DNAAF11: variants seen among roughly 807,000 people sequenced by gnomAD.
The protein encoded by DNAAF11 is leucine rich repeat containing 6.
DNAAF11 carries 45 observed loss-of-function variants against 60.8 expected under a neutral mutation model. That is an observed-to-expected ratio of 0.74 (90% CI 0.58 to 0.95). The LOEUF (loss-of-function observed/expected upper bound fraction) is 0.95. DNAAF11 is among the 40% of genes least tolerant of loss of function. The probability of loss-of-function intolerance (pLI) is 0.00; values close to 1 mark genes in which losing one functional copy is unlikely to be tolerated. For missense variants in DNAAF11, 546 were observed against 546.2 expected, an observed-to-expected ratio of 1.00 and a Z score of 0.00; for synonymous variants, 191 against 183.5, an observed-to-expected ratio of 1.04 and a Z score of -0.33.
chr8:132,652,632 T>C (rs975589357), intron 3 of DNAAF11, among the ~76,000 whole-genome samples: 2 of 152,182 alleles, frequency 1.3e-5, no homozygotes, highest in Admixed American at 6.5e-5. Context: ...TGAGTTCATG[T>C]CCTTTGCAGG....
At chr8:132,661,681 A>G in intron 1 of DNAAF11, 54 bp from the exon 2 acceptor site, 1 of 1,548,618 alleles carries the variant, frequency 6.5e-7, no homozygotes, top group South Asian at 1.1e-5. Flanking sequence ...TCAATATAAG[A>G]TTATTGTGTT....
chr8:132,690,929 C>T, the DNAAF11 span, among the ~76,000 whole-genome samples: 17 of 152,288 alleles, frequency 1.1e-4, 1 homozygote, highest in Admixed American at 6.5e-4. Context: ...TCACTGCTTA[C>T]GTTGGCCTTG....
chr8:132,661,923 C>A (rs186465291), intron 1 of DNAAF11, among the ~76,000 whole-genome samples: 1 of 152,224 alleles, frequency 6.6e-6, no homozygotes, highest in African/African-American at 2.4e-5. Context: ...GAGTTAATGG[C>A]TATAAAAATG....
At chr8:132,635,038 T>C (rs1024015410) in intron 4 of DNAAF11, among the ~76,000 whole-genome samples, 3 of 152,186 alleles carry the variant, frequency 2.0e-5, no homozygotes, top group Non-Finnish European at 4.4e-5. Context: ...AACTGAACCC[T>C]CTGTCACTTT....
rs936826224 is a variant in DNAAF11, at chr8:132,572,487, C to T, written c.1227-7G>A. On this transcript the variant is annotated splice_region_variant and splice_polypyrimidine_tract_variant and intron_variant, in intron 11 of 11. Coordinates refer to ENST00000620350, the MANE Select transcript of DNAAF11 (RefSeq NM_012472.6). ...TTTCTCCATGTGCTTGCTTCTATAA[C>T]AACAAAAAAAGACAAACAGAAACTG... 2.6e-6 allele frequency: 4 copies of T among 1,565,376 alleles called. No individual in the cohort carries two copies. Among genetic ancestry groups the T allele is most frequent in the Non-Finnish European group, 3.5e-6 (4 of 1,158,326 alleles).
the DNAAF11 span, among the ~76,000 whole-genome samples, chr8:132,681,331 T>G: frequency 5.9e-5 from 9 of 151,490 alleles, no homozygotes; most frequent in African/African-American, 2.2e-4. Context: ...TTTTTTTTTT[T>G]TTTGGCAAAC....
the DNAAF11 span, among the ~76,000 whole-genome samples, chr8:132,696,528 G>A: frequency 6.6e-6 from 1 of 152,094 alleles, no homozygotes; most frequent in Non-Finnish European, 1.5e-5. Context: ...ATCAATTGGT[G>A]AATGGATAAA....
chr8:132,575,919 G>A (rs1010115868), intron 11 of DNAAF11, among the ~76,000 whole-genome samples: 3 of 152,224 alleles, frequency 2.0e-5, no homozygotes, highest in South Asian at 2.1e-4. Context: ...TGGGGAGGCC[G>A]CCTGGAGAAC....
chr8:132,601,347 T>C (rs1817596340), intron 10 of DNAAF11, among the ~76,000 whole-genome samples: 1 of 152,142 alleles, frequency 6.6e-6, no homozygotes, highest in African/African-American at 2.4e-5. Flanking sequence ...AGTTCAACCA[T>C]TGTGGAAGAC....
At chr8:132,700,430 A>T in the DNAAF11 span, among the ~76,000 whole-genome samples, 4,452 of 152,060 alleles carry the variant, frequency 0.029, 259 homozygotes, top group African/African-American at 0.1. Context: ...TAACATGTGT[A>T]ATCCCAACGT....
intron 11 of DNAAF11, chr8:132,578,521 A>C: frequency 6.6e-7 from 1 of 1,505,842 alleles, no homozygotes. Context: ...GAATAGCTGG[A>C]AGACAAAATC....
At chr8:132,586,473 A>C (rs545058586) in intron 10 of DNAAF11, among the ~76,000 whole-genome samples, 1 of 152,280 alleles carries the variant, frequency 6.6e-6, no homozygotes, top group Admixed American at 6.5e-5. Context: ...CCTCAAACCC[A>C]TGTGTGTTGG....
chr8:132,643,435 G>A (rs1016503166), intron 3 of DNAAF11: 7 of 338,746 alleles, frequency 2.1e-5, no homozygotes, highest in African/African-American at 1.5e-4. Flanking sequence ...GGCAGGAGGA[G>A]GCAGGTAGGA....
Position 132,628,463 on chromosome 8 carries a change from T to C in DNAAF11, c.654-3009A>G, listed in dbSNP as rs13271199. Among the ~76,000 whole-genome samples, 833 of 152,252 alleles carry C rather than the reference T, an allele frequency of 5.5e-3. 2 individuals are homozygous for C. Among genetic ancestry groups the C allele is most frequent in the Non-Finnish European group, 8.7e-3 (594 of 67,996 alleles). On this transcript the variant is annotated intron_variant, in intron 5 of 11. Coordinates refer to ENST00000620350, the MANE Select transcript of DNAAF11 (RefSeq NM_012472.6). ...CTTGCCATGTGAAGTGTGAGCTGTT[T>C]CCATTAATACCTTCTTCCCTGATCC... is the stretch of plus-strand genomic sequence containing the variant.
intron 11 of DNAAF11, among the ~76,000 whole-genome samples, chr8:132,575,136 G>A (rs1814605943): frequency 6.6e-6 from 1 of 152,200 alleles, no homozygotes; most frequent in Non-Finnish European, 1.5e-5. Flanking sequence ...AGAGGCAGTA[G>A]AGTGTCTAGG....
chr8:132,596,142 T>C (rs935349659), intron 10 of DNAAF11, among the ~76,000 whole-genome samples: 1 of 152,140 alleles, frequency 6.6e-6, no homozygotes, highest in Non-Finnish European at 1.5e-5. Flanking sequence ...GATAGCAGGA[T>C]AGGAAGTCCA....
At chr8:132,659,526 C>T (rs1172717853) in intron 2 of DNAAF11, among the ~76,000 whole-genome samples, 1 of 152,158 alleles carries the variant, frequency 6.6e-6, no homozygotes, top group Admixed American at 6.5e-5. Flanking sequence ...TCTTTTAGAT[C>T]TGTACAATTA....
chr8:132,651,154 T>A (rs1222171626), intron 3 of DNAAF11, among the ~76,000 whole-genome samples: 1 of 152,034 alleles, frequency 6.6e-6, no homozygotes, highest in Middle Eastern at 3.2e-3. Flanking sequence ...CAACACTGAC[T>A]GCCAAAGGCG....
chr8:132,675,090 G>A (rs980655814), intron 1 of DNAAF11, among the ~76,000 whole-genome samples: 1 of 152,148 alleles, frequency 6.6e-6, no homozygotes, highest in Non-Finnish European at 1.5e-5. Flanking sequence ...GAATGAGTCC[G>A]AAGATTGCGG....
Sources: allele counts gnomAD v4.1 joint callset (sites outside exome capture counted in the v4.1 genomes callset), GRCh38; gene constraint gnomAD v4.1.1; transcripts MANE v1.5; gene names NCBI Gene and HGNC (gene_info 2026-07-23, HGNC 2026-07-21).